Variants in RBFOX1 observed in about 807,000 individuals in gnomAD.
RBFOX1 encodes RNA binding protein fox-1 homolog 1.
In RBFOX1, 8 loss-of-function variants were observed where a neutral mutation model predicts 57.7. That is an observed-to-expected ratio of 0.14 (90% CI 0.08 to 0.25). The LOEUF (loss-of-function observed/expected upper bound fraction) is 0.25, where lower values mean the gene tolerates loss of function less well. RBFOX1 is among the 10% of genes least tolerant of loss of function. The probability of loss-of-function intolerance (pLI) is 1.00; values close to 1 mark genes in which losing one functional copy is unlikely to be tolerated. For synonymous variants in RBFOX1, 326 were observed against 222.4 expected, an observed-to-expected ratio of 1.47 and a Z score of -4.15; for missense variants, 611 against 548.5, an observed-to-expected ratio of 1.11 and a Z score of -1.14.
chr16:6,648,159 T>G (rs2098549148), intron 2 of RBFOX1, among the ~76,000 whole-genome samples: 1 of 151,966 alleles, frequency 6.6e-6, no homozygotes, highest in Non-Finnish European at 1.5e-5. Context: ...GATCCTTCCA[T>G]TTCAGCTTCC....
intron 3 of RBFOX1, among the ~76,000 whole-genome samples, chr16:5,657,749 T>TTTTTTTTTTTTTTTTTTC (rs1567357353): frequency 6.8e-6 from 1 of 146,248 alleles, no homozygotes; most frequent in Non-Finnish European, 1.5e-5. Flanking sequence ...TTTTTTTTTT[T>TTTTTTTTTTTTTTTTTTC]TGAGACAGAA....
intron 4 of RBFOX1, among the ~76,000 whole-genome samples, chr16:5,981,885 C>T (rs541037747): frequency 2.0e-5 from 3 of 152,294 alleles, no homozygotes; most frequent in South Asian, 2.1e-4. Context: ...GTTTAGCGGG[C>T]GGAGGCCAGG....
intron 4 of RBFOX1, among the ~76,000 whole-genome samples, chr16:5,924,797 C>A (rs1240276039): frequency 3.3e-5 from 5 of 152,156 alleles, no homozygotes. Flanking sequence ...TTGTTTCCAT[C>A]TTCATGTCTC....
At chr16:6,094,507 A>G in intron 1 of RBFOX1, among the ~76,000 whole-genome samples, 1 of 152,206 alleles carries the variant, frequency 6.6e-6, no homozygotes, top group Admixed American at 6.5e-5. Flanking sequence ...TTAGAATACC[A>G]ACAGTAGCAA....
At chr16:5,417,786 A>G (rs2067199333) in intron 1 of RBFOX1, among the ~76,000 whole-genome samples, 1 of 152,162 alleles carries the variant, frequency 6.6e-6, no homozygotes, top group Admixed American at 6.5e-5. Context: ...CCCCCTACTA[A>G]GATTTGTGAA....
chr16:7,040,948 C>T (rs1022783810), intron 3 of RBFOX1, among the ~76,000 whole-genome samples: 4 of 150,620 alleles, frequency 2.7e-5, no homozygotes, highest in Non-Finnish European at 5.9e-5. Flanking sequence ...AGGAGTCTTG[C>T]TCTGTCCCCC....
At chr16:5,337,899 C>G (rs1455297442) in intron 1 of RBFOX1, among the ~76,000 whole-genome samples, 1 of 152,042 alleles carries the variant, frequency 6.6e-6, no homozygotes, top group Non-Finnish European at 1.5e-5. Context: ...AAAAAATTAG[C>G]TGGACATGGT....
At chr16:5,999,676 ACGGTGAAACC>A (rs2060554139) in intron 4 of RBFOX1, among the ~76,000 whole-genome samples, 1 of 152,082 alleles carries the variant, frequency 6.6e-6, no homozygotes, top group Admixed American at 6.5e-5. Context: ...TCTGGCTAAC[ACGGTGAAACC>A]GTGTCTCTAC....
At chr16:5,398,757 C>T (rs568889090) in intron 1 of RBFOX1, among the ~76,000 whole-genome samples, 3 of 152,016 alleles carry the variant, frequency 2.0e-5, no homozygotes, top group Non-Finnish European at 4.4e-5. Context: ...TCCATGGGAG[C>T]GAGGGAAGAT....
chr16:6,951,643 C>T (rs759511410), intron 3 of RBFOX1, among the ~76,000 whole-genome samples: 11 of 152,072 alleles, frequency 7.2e-5, no homozygotes, highest in Admixed American at 2.0e-4. Flanking sequence ...AGTCAGCCTT[C>T]GTAAGTATAG....
At chr16:6,837,728 A>G (rs934797379) in intron 3 of RBFOX1, among the ~76,000 whole-genome samples, 1 of 152,228 alleles carries the variant, frequency 6.6e-6, no homozygotes, top group African/African-American at 2.4e-5. Flanking sequence ...TCAGATAAAC[A>G]TTAGTTATCT....
intron 4 of RBFOX1, among the ~76,000 whole-genome samples, chr16:7,253,660 C>G (rs187704295): frequency 2.4e-4 from 37 of 152,268 alleles, no homozygotes; most frequent in African/African-American, 8.9e-4. Flanking sequence ...TATGCTTTGA[C>G]ATCACTTCTC....
intron 4 of RBFOX1, among the ~76,000 whole-genome samples, chr16:7,485,453 A>G (rs925114535): frequency 4.6e-5 from 7 of 152,232 alleles, no homozygotes; most frequent in African/African-American, 1.7e-4. Context: ...CCTTGAATCC[A>G]GCTGAATGCT....
chr16:5,371,952 T>C (rs2065868392), intron 1 of RBFOX1, among the ~76,000 whole-genome samples: 1 of 152,206 alleles, frequency 6.6e-6, no homozygotes, highest in Non-Finnish European at 1.5e-5. Flanking sequence ...TGAGGCTTTT[T>C]TTCATGCCGC....
At chr16:6,532,516 C>T (rs1417156975) in intron 2 of RBFOX1, among the ~76,000 whole-genome samples, 1 of 152,186 alleles carries the variant, frequency 6.6e-6, no homozygotes, top group East Asian at 1.9e-4. Context: ...TCTATTAGGG[C>T]TGTGCTCCTT....
chr16:7,048,164 C>T (rs941227056), intron 3 of RBFOX1, among the ~76,000 whole-genome samples: 3 of 152,068 alleles, frequency 2.0e-5, no homozygotes, highest in Non-Finnish European at 2.9e-5. Flanking sequence ...CAGGTGTGAG[C>T]CACCGTGCCC....
chr16:6,755,170 T>C (rs545493696), intron 3 of RBFOX1, among the ~76,000 whole-genome samples: 3 of 152,350 alleles, frequency 2.0e-5, no homozygotes, highest in African/African-American at 7.2e-5. Context: ...AACATACGTG[T>C]GCATGTGTCT....
chr16:6,397,977 A>G (rs1279148804), intron 2 of RBFOX1, among the ~76,000 whole-genome samples: 1 of 152,236 alleles, frequency 6.6e-6, no homozygotes, highest in Non-Finnish European at 1.5e-5. Context: ...ACGGCATAAC[A>G]AAAACAATAG....
chr16:7,291,674 G>C (rs564692205), intron 4 of RBFOX1, among the ~76,000 whole-genome samples: 23 of 151,968 alleles, frequency 1.5e-4, no homozygotes, highest in African/African-American at 5.5e-4. Flanking sequence ...AGCAAGGATG[G>C]GACCTTGGCA....
Sources: gnomAD v4.1 joint callset for allele counts (sites outside exome capture counted in the v4.1 genomes callset) on GRCh38, gnomAD v4.1.1 for gene constraint, MANE v1.5 for transcripts, NCBI Gene and HGNC (gene_info 2026-07-23, HGNC 2026-07-21) for gene names.